LINGO2: variants seen among roughly 807,000 people sequenced by gnomAD.
LINGO2 encodes leucine-rich repeat and immunoglobulin-like domain-containing nogo receptor-interacting protein 2.
LINGO2 carries 14 observed loss-of-function variants against 30.6 expected under a neutral mutation model. The ratio of observed to expected loss-of-function variants is 0.46; its 90% CI spans 0.30 to 0.72. The LOEUF is 0.72. Among genes scored for constraint, LINGO2 ranks in the 30% least tolerant of loss-of-function variants. The pLI, the probability that LINGO2 is intolerant of heterozygous loss-of-function variation, is 0.07. For synonymous variants in LINGO2, 317 were observed against 288.5 expected, an observed-to-expected ratio of 1.10 and a Z score of -1.00; for missense variants, 729 against 751.7, an observed-to-expected ratio of 0.97 and a Z score of 0.35.
chr9:28,838,166 C>T, the LINGO2 span, among the ~76,000 whole-genome samples: 3 of 152,158 alleles, frequency 2.0e-5, no homozygotes, highest in Non-Finnish European at 2.9e-5. Context: ...CCCAAGTGCA[C>T]AGTGACATTT....
intron 4 of LINGO2, among the ~76,000 whole-genome samples, chr9:28,255,037 T>C (rs1822336521): frequency 1.3e-5 from 2 of 152,138 alleles, no homozygotes. Flanking sequence ...CTAGAGTTCC[T>C]CATTTACTAG....
chr9:28,763,242 C>G, the LINGO2 span, among the ~76,000 whole-genome samples: 7 of 152,024 alleles, frequency 4.6e-5, no homozygotes, highest in Non-Finnish European at 1.0e-4. Flanking sequence ...AGAATACACT[C>G]TTCCCAATTT....
chr9:27,985,820 C>G (rs1354432571), intron 5 of LINGO2, among the ~76,000 whole-genome samples: 1 of 151,640 alleles, frequency 6.6e-6, no homozygotes, highest in Non-Finnish European at 1.5e-5. Context: ...ATGAAGATAT[C>G]AAGTGCAGAC....
At chr9:29,036,679 T>A in the LINGO2 span, among the ~76,000 whole-genome samples, 1 of 152,022 alleles carries the variant, frequency 6.6e-6, no homozygotes, top group Admixed American at 6.6e-5. Context: ...TCACTATCAC[T>A]CATTCCATCT....
intron 4 of LINGO2, among the ~76,000 whole-genome samples, chr9:28,063,323 A>T (rs1008281711): frequency 5.3e-5 from 8 of 152,164 alleles, no homozygotes; most frequent in African/African-American, 1.4e-4. Flanking sequence ...TTTTAAAACC[A>T]GTGGGTCTTT....
At chr9:28,992,835 T>C in the LINGO2 span, among the ~76,000 whole-genome samples, 5 of 151,866 alleles carry the variant, frequency 3.3e-5, no homozygotes, top group Admixed American at 6.6e-5. Flanking sequence ...AGACACAACA[T>C]ACCAGAATCT....
At chr9:28,212,823 T>A (rs150634525) in intron 4 of LINGO2, among the ~76,000 whole-genome samples, 1 of 151,606 alleles carries the variant, frequency 6.6e-6, no homozygotes, top group East Asian at 1.9e-4. Context: ...AGTTCCATCA[T>A]TGCAGAAAGT....
chr9:28,102,666 A>G (rs2133319594), intron 4 of LINGO2, among the ~76,000 whole-genome samples: 1 of 152,264 alleles, frequency 6.6e-6, no homozygotes, highest in South Asian at 2.1e-4. Context: ...TACAACCCAC[A>G]GTATCAGTGA....
At chr9:28,724,179 A>G in the LINGO2 span, among the ~76,000 whole-genome samples, 3 of 152,178 alleles carry the variant, frequency 2.0e-5, no homozygotes, top group African/African-American at 4.8e-5. Flanking sequence ...AAGGAGTTAG[A>G]CTGCATAATA....
At chr9:28,551,403 G>C (rs1822273386) in intron 1 of LINGO2, among the ~76,000 whole-genome samples, 1 of 151,620 alleles carries the variant, frequency 6.6e-6, no homozygotes. Flanking sequence ...TATATCTAAA[G>C]ATATATAAAG....
At chr9:28,835,760 A>G in the LINGO2 span, among the ~76,000 whole-genome samples, 4 of 152,162 alleles carry the variant, frequency 2.6e-5, no homozygotes, top group African/African-American at 9.7e-5. Context: ...CTCATTTGCT[A>G]AAATCCAGCT....
chr9:29,121,192 G>C, the LINGO2 span, among the ~76,000 whole-genome samples: 1 of 152,132 alleles, frequency 6.6e-6, no homozygotes, highest in Non-Finnish European at 1.5e-5. Context: ...GATGAGCTGA[G>C]GCTCAAATGT....
At chr9:28,710,934 T>C in the LINGO2 span, among the ~76,000 whole-genome samples, 1 of 151,450 alleles carries the variant, frequency 6.6e-6, no homozygotes, top group African/African-American at 2.4e-5. Flanking sequence ...AATATGGTAA[T>C]GGTGATTCTG....
the LINGO2 span, among the ~76,000 whole-genome samples, chr9:29,182,047 C>T: frequency 1.3e-5 from 2 of 151,968 alleles, no homozygotes; most frequent in Admixed American, 1.3e-4. Flanking sequence ...AGTGCGCCCA[C>T]CTATGAAAAT....
At chr9:28,121,637 A>C (rs1415336069) in intron 4 of LINGO2, among the ~76,000 whole-genome samples, 2 of 152,186 alleles carry the variant, frequency 1.3e-5, no homozygotes, top group Non-Finnish European at 2.9e-5. Context: ...AGACAATAGG[A>C]CAATACAGTC....
the LINGO2 span, among the ~76,000 whole-genome samples, chr9:29,003,847 A>C: frequency 6.6e-6 from 1 of 152,016 alleles, no homozygotes; most frequent in Non-Finnish European, 1.5e-5. Context: ...TGAGGGAGAG[A>C]ATCTGTATCA....
chr9:28,963,405 G>A, the LINGO2 span, among the ~76,000 whole-genome samples: 9 of 151,670 alleles, frequency 5.9e-5, no homozygotes, highest in African/African-American at 4.8e-5. Flanking sequence ...GGTATGTATC[G>A]AAAGGTAAGG....
At chr9:28,617,588 C>T (rs1310976887) in intron 1 of LINGO2, among the ~76,000 whole-genome samples, 1 of 152,116 alleles carries the variant, frequency 6.6e-6, no homozygotes, top group East Asian at 1.9e-4. Context: ...AGCCACCGCG[C>T]CCAGACAATA....
intron 5 of LINGO2, among the ~76,000 whole-genome samples, chr9:27,983,331 G>C (rs987689766): frequency 1.9e-4 from 29 of 151,958 alleles, no homozygotes; most frequent in African/African-American, 7.0e-4. Flanking sequence ...CAGACTGGAA[G>C]TTCTCAATCA....
Sources: gnomAD v4.1 joint callset for allele counts (sites outside exome capture counted in the v4.1 genomes callset) on GRCh38, gnomAD v4.1.1 for gene constraint, MANE v1.5 for transcripts, NCBI Gene and HGNC (gene_info 2026-07-23, HGNC 2026-07-21) for gene names.